Variants in NELL2 observed in about 807,000 individuals in gnomAD.
The protein encoded by NELL2 is neural EGFL like 2.
A neutral mutation model predicts 109.6 loss-of-function variants in NELL2; 41 were observed. The ratio of observed to expected loss-of-function variants is 0.37; its 90% confidence interval spans 0.29 to 0.49. The LOEUF is 0.49. NELL2 is among the 20% of genes least tolerant of loss of function. NELL2 has a pLI of 0.98. For missense variants in NELL2, 900 were observed against 1,008.3 expected (o/e 0.89, Z 1.45); for synonymous variants, 355 against 344.7 (o/e 1.03, Z -0.33).
intron 12 of NELL2, 119 bp from the exon 13 acceptor site, chr12:44,665,728 T>C: frequency 8.7e-7 from 1 of 1,145,670 alleles, no homozygotes; most frequent in Non-Finnish European, 1.2e-6. Flanking sequence ...CAGAAAAGCA[T>C]TCATGATATC....
chr12:44,865,760 A>G (rs1182078642), intron 2 of NELL2, among the ~76,000 whole-genome samples: 2 of 133,838 alleles, frequency 1.5e-5, no homozygotes, highest in Admixed American at 7.5e-5. Flanking sequence ...ACATGTATAC[A>G]TATGTAACTA....
At chr12:44,741,056 T>C (rs1939931253) in intron 9 of NELL2, among the ~76,000 whole-genome samples, 1 of 152,182 alleles carries the variant, frequency 6.6e-6, no homozygotes, top group African/African-American at 2.4e-5. Context: ...CCCTTATTCA[T>C]GGATTTTCGT....
At chr12:44,717,879 T>G (rs974170412) in intron 9 of NELL2, among the ~76,000 whole-genome samples, 2 of 152,108 alleles carry the variant, frequency 1.3e-5, no homozygotes, top group African/African-American at 4.8e-5. Context: ...ACCAGAGTGA[T>G]GCAGGCTGCA....
intron 12 of NELL2, among the ~76,000 whole-genome samples, chr12:44,685,156 C>T (rs1359380289): frequency 6.6e-6 from 1 of 152,098 alleles, no homozygotes; most frequent in Non-Finnish European, 1.5e-5. Flanking sequence ...TGAATTGATC[C>T]CTTTACCATT....
chr12:44,895,251 C>A (rs899980859), intron 1 of NELL2, among the ~76,000 whole-genome samples: 5 of 152,064 alleles, frequency 3.3e-5, no homozygotes, highest in African/African-American at 1.2e-4. Context: ...TGAGCATCAG[C>A]TCTGGTCAAA....
rs1938317992 is a variant in NELL2 at position 44,713,259 on chromosome 12, A to G, written c.1086+1391T>C. 2.7e-5 allele frequency among the ~76,000 whole-genome samples: 4 copies of G among 149,766 alleles called. No individual in the cohort carries two copies. In the South Asian group the frequency reaches 6.4e-4, roughly 24 times the overall value. ...AGAGAGAGAGACAGAGAGAGAGAGA[A>G]AGAGAAGTAGAGAAACTTTAAATGC... On this transcript the variant is annotated intron_variant, in intron 10 of 19. Transcript: ENST00000429094.
At chr12:44,821,046 T>TACACACACACAC (rs10664645) in intron 2 of NELL2, among the ~76,000 whole-genome samples, 5 of 148,854 alleles carry the variant, frequency 3.4e-5, no homozygotes, top group South Asian at 2.2e-4. Flanking sequence ...GCTTTATAAA[T>TACACACACACAC]ACACACACAC....
intron 12 of NELL2, among the ~76,000 whole-genome samples, chr12:44,681,424 A>G (rs953699100): frequency 1.3e-5 from 2 of 149,364 alleles, no homozygotes; most frequent in Non-Finnish European, 3.0e-5. Flanking sequence ...TTTATTTATT[A>G]TTATTATTAT....
intron 2 of NELL2, among the ~76,000 whole-genome samples, chr12:44,865,359 C>A (rs544684986): frequency 6.9e-6 from 1 of 144,516 alleles, no homozygotes; most frequent in East Asian, 2.1e-4. Flanking sequence ...AAGACACATG[C>A]ACACGTATGT....
At chr12:44,779,175 A>G (rs965025842) in intron 5 of NELL2, among the ~76,000 whole-genome samples, 5 of 152,184 alleles carry the variant, frequency 3.3e-5, no homozygotes, top group African/African-American at 1.2e-4. Context: ...GTACATATTA[A>G]AGGAAAAGAT....
intron 15 of NELL2, among the ~76,000 whole-genome samples, chr12:44,586,638 A>G (rs943796561): frequency 2.4e-4 from 37 of 152,278 alleles, no homozygotes; most frequent in Middle Eastern, 3.4e-3. Flanking sequence ...GTCTTAAGCA[A>G]TTTCCTCTCT....
At chr12:44,740,175 G>A (rs1355426623) in intron 9 of NELL2, among the ~76,000 whole-genome samples, 3 of 152,092 alleles carry the variant, frequency 2.0e-5, no homozygotes, top group African/African-American at 7.2e-5. Flanking sequence ...CCCAATTCTG[G>A]CCAATGAGAA....
intron 12 of NELL2, among the ~76,000 whole-genome samples, chr12:44,669,178 C>T (rs1056657817): frequency 6.6e-6 from 1 of 152,168 alleles, no homozygotes; most frequent in Non-Finnish European, 1.5e-5. Context: ...CAATATTGTG[C>T]CTACCCAGAA....
rs11182600 is a variant in NELL2 at position 44,651,743 on chromosome 12, A to C, written c.1444+13741T>G. ...TTGAACACCATAAATCATGGGTCAC[A>C]AGCCAAAAATGCTCCAATTTGTGGG... On this transcript the variant is annotated intron_variant, in intron 13 of 19. Transcript: ENST00000429094. 1.2e-3 allele frequency among the ~76,000 whole-genome samples: 183 copies of C among 152,308 alleles called. 3 individuals carry two copies. In the East Asian group the frequency reaches 0.026, roughly 22 times the overall value.
intron 13 of NELL2, among the ~76,000 whole-genome samples, chr12:44,639,965 A>G (rs1326705240): frequency 6.6e-6 from 1 of 152,148 alleles, no homozygotes; most frequent in Non-Finnish European, 1.5e-5. Context: ...TCCCTTAAAC[A>G]TACCAACCTT....
Position 44,599,989 on chromosome 12 carries a change from T to A in NELL2, c.1663+7180A>T, listed in dbSNP as rs575252128. 8.7e-3 allele frequency among the ~76,000 whole-genome samples: 1,094 copies of A among 126,106 alleles called. 9 individuals carry two copies. Among genetic ancestry groups the A allele is most frequent in the Non-Finnish European group, 0.014 (862 of 62,406 alleles). The allele number at this position is 126,106 out of a possible 152,430, so 82.7% of individuals were successfully genotyped here. ...TTTTTTTTTTTTTTTTGAGATGGAG[T>A]CTCGCTCTGCCGCCCAGGCTGGAGT... is the stretch of plus-strand genomic sequence containing the variant. On this transcript the variant is annotated intron_variant, in intron 15 of 19. Transcript: ENST00000429094.
At chr12:44,865,826 T>TAA (rs71435994) in intron 2 of NELL2, among the ~76,000 whole-genome samples, 2,301 of 142,548 alleles carry the variant, frequency 0.016, 53 homozygotes, top group South Asian at 0.027. Context: ...AAAAAAAAAT[T>TAA]AAAAAAAAAA....
intron 2 of NELL2, among the ~76,000 whole-genome samples, chr12:44,848,266 T>G (rs1419760944): frequency 1.3e-5 from 2 of 152,062 alleles, no homozygotes; most frequent in South Asian, 2.1e-4. Flanking sequence ...AGTGACTTTA[T>G]AGAAAGCGAT....
intron 13 of NELL2, among the ~76,000 whole-genome samples, chr12:44,663,909 CAT>C (rs1332502667): frequency 6.6e-6 from 1 of 152,086 alleles, no homozygotes; most frequent in Non-Finnish European, 1.5e-5. Flanking sequence ...CAAAGAGAAT[CAT>C]TAGGAAATAT....
Sources: allele counts gnomAD v4.1 joint callset (sites outside exome capture counted in the v4.1 genomes callset), GRCh38; gene constraint gnomAD v4.1.1; transcripts MANE v1.5; gene names NCBI Gene and HGNC (gene_info 2026-07-23, HGNC 2026-07-21).